The following TMEM132B variants were observed in gnomAD, a reference collection of about 807,000 sequenced individuals.
TMEM132B encodes transmembrane protein 132B.
TMEM132B carries 18 observed loss-of-function variants against 90.8 expected under a neutral mutation model. That is an observed-to-expected ratio of 0.20 (90% confidence interval 0.14 to 0.29). TMEM132B has a LOEUF of 0.29. Among genes scored for constraint, TMEM132B ranks in the 10% least tolerant of loss-of-function variants. The probability of loss-of-function intolerance (pLI) is 1.00; values close to 1 mark genes in which losing one functional copy is unlikely to be tolerated. For missense variants in TMEM132B, 1,096 were observed against 1,326.8 expected, an observed-to-expected ratio of 0.83 and a Z score of 2.70; for synonymous variants, 504 against 523.3, an observed-to-expected ratio of 0.96 and a Z score of 0.50.
intron 3 of TMEM132B, among the ~76,000 whole-genome samples, chr12:125,418,665 G>T (rs183961731): frequency 6.6e-6 from 1 of 152,070 alleles, no homozygotes; most frequent in African/African-American, 2.4e-5. Flanking sequence ...AACCTTGAGT[G>T]GAATAGAGTT....
At chr12:125,599,099 T>A (rs2136914618) in intron 5 of TMEM132B, among the ~76,000 whole-genome samples, 1 of 152,296 alleles carries the variant, frequency 6.6e-6, no homozygotes, top group South Asian at 2.1e-4. Flanking sequence ...ATAGCTCCCA[T>A]AATCCTCATG....
chr12:125,453,116 T>C (rs914019448), intron 3 of TMEM132B, among the ~76,000 whole-genome samples: 24 of 141,816 alleles, frequency 1.7e-4, no homozygotes, highest in Non-Finnish European at 2.7e-4. Context: ...CACACACACA[T>C]AATCCAACAC....
At chr12:125,499,910 A>G (rs1204393728) in intron 3 of TMEM132B, among the ~76,000 whole-genome samples, 1 of 152,252 alleles carries the variant, frequency 6.6e-6, no homozygotes, top group African/African-American at 2.4e-5. Flanking sequence ...GTACTTCTGC[A>G]TACAAATGTT....
intron 5 of TMEM132B, among the ~76,000 whole-genome samples, chr12:125,630,916 G>T (rs1270668818): frequency 2.0e-5 from 3 of 150,540 alleles, no homozygotes; most frequent in Non-Finnish European, 3.0e-5. Context: ...CAAAAGACAC[G>T]ATCTCATTCT....
intron 1 of TMEM132B, among the ~76,000 whole-genome samples, chr12:125,253,592 G>A (rs1275244350): frequency 2.6e-5 from 4 of 151,814 alleles, no homozygotes; most frequent in African/African-American, 7.3e-5. Flanking sequence ...GTACCACCAC[G>A]CCCAGCTAAT....
intron 2 of TMEM132B, among the ~76,000 whole-genome samples, chr12:125,356,197 T>G (rs1363690726): frequency 5.9e-5 from 9 of 152,206 alleles, no homozygotes; most frequent in Admixed American, 5.9e-4. Flanking sequence ...CCTCCTGGGC[T>G]GACCTCTCCG....
chr12:125,238,210 G>A (rs1373293206), intron 1 of TMEM132B, among the ~76,000 whole-genome samples: 1 of 151,688 alleles, frequency 6.6e-6, no homozygotes, highest in Non-Finnish European at 1.5e-5. Context: ...GGTCGCCTCT[G>A]TTTGTCAAAA....
intron 1 of TMEM132B, among the ~76,000 whole-genome samples, chr12:125,254,395 C>T (rs1448126373): frequency 3.3e-5 from 5 of 152,154 alleles, no homozygotes; most frequent in Admixed American, 1.3e-4. Flanking sequence ...GGAGCTTGGG[C>T]GAGGTTCTGT....
rs767999580 is a variant in TMEM132B, at chr12:125,246,403, G to T, written c.67+59537G>T. ...GACTCGTTCTGTTCTGAGGAAGTCAGCTTCCTGGGCTGCGTCTCTCATCTT... is the reference window on the plus strand; with the variant it reads ...GACTCGTTCTGTTCTGAGGAAGTCATCTTCCTGGGCTGCGTCTCTCATCTT... On this transcript the variant is annotated intron_variant, in intron 1 of 8. Transcript: ENST00000682704. The surrounding 1 kb of genome is among the most constrained non-coding windows in gnomAD (Gnocchi z 4.2). Among the ~76,000 whole-genome samples the T allele has an allele frequency of 7.6e-4, 116 of 152,220 alleles. No homozygotes were observed. The highest frequency in any genetic ancestry group is 1.4e-3 in the Non-Finnish European group (94 of 68,034).
intron 3 of TMEM132B, among the ~76,000 whole-genome samples, chr12:125,421,518 A>G (rs1419787656): frequency 6.6e-6 from 1 of 152,142 alleles, no homozygotes; most frequent in Non-Finnish European, 1.5e-5. Context: ...TGAGTCAGTT[A>G]CCTCCCACTG....
At chr12:125,374,642 C>T (rs1294805024) in intron 2 of TMEM132B, among the ~76,000 whole-genome samples, 1 of 151,510 alleles carries the variant, frequency 6.6e-6, no homozygotes, top group African/African-American at 2.4e-5. Flanking sequence ...CACCCCCCGA[C>T]CCCGCCCCGC....
At chr12:125,339,015 T>G in intron 1 of TMEM132B, among the ~76,000 whole-genome samples, 1 of 152,158 alleles carries the variant, frequency 6.6e-6, no homozygotes, top group Non-Finnish European at 1.5e-5. Flanking sequence ...GGCAGGAAGT[T>G]GAAAGGCATC....
At chr12:125,538,991 A>C (rs993643974) in intron 4 of TMEM132B, among the ~76,000 whole-genome samples, 1 of 152,174 alleles carries the variant, frequency 6.6e-6, no homozygotes, top group Non-Finnish European at 1.5e-5. Flanking sequence ...GAGCCCAGCC[A>C]CCACCATCTC....
At chr12:125,612,064 C>T (rs1419152456) in intron 5 of TMEM132B, among the ~76,000 whole-genome samples, 1 of 152,026 alleles carries the variant, frequency 6.6e-6, no homozygotes, top group African/African-American at 2.4e-5. Context: ...TCCATTTTTG[C>T]TTCATAGATC....
intron 4 of TMEM132B, among the ~76,000 whole-genome samples, chr12:125,549,504 C>T (rs1884168048): frequency 6.6e-6 from 1 of 152,214 alleles, no homozygotes; most frequent in African/African-American, 2.4e-5. Flanking sequence ...AATTTCAGGT[C>T]TCTCTGCTCA....
chr12:125,387,738 C>T (rs186811720), intron 2 of TMEM132B, among the ~76,000 whole-genome samples: 1 of 152,284 alleles, frequency 6.6e-6, no homozygotes, highest in African/African-American at 2.4e-5. Flanking sequence ...AAGCTTGTTA[C>T]TGAGATGGAT....
intron 6 of TMEM132B, among the ~76,000 whole-genome samples, chr12:125,644,646 C>G (rs11058279): frequency 0.32 from 48,916 of 151,836 alleles, 8,826 homozygotes; most frequent in African/African-American, 0.46. Flanking sequence ...ACTCTCAGTT[C>G]CCCTGCTTGT....
chr12:125,227,234 A>G (rs1365973296), intron 1 of TMEM132B, among the ~76,000 whole-genome samples: 4 of 152,120 alleles, frequency 2.6e-5, no homozygotes, highest in Non-Finnish European at 5.9e-5. Flanking sequence ...GCCAGGTTCC[A>G]TGGGGATTTA....
intron 2 of TMEM132B, among the ~76,000 whole-genome samples, chr12:125,404,989 T>C (rs1478837030): frequency 6.6e-6 from 1 of 152,246 alleles, no homozygotes; most frequent in Non-Finnish European, 1.5e-5. Flanking sequence ...AACACACCTG[T>C]AGCACTCCGT....
Sources: allele counts gnomAD v4.1 joint callset (sites outside exome capture counted in the v4.1 genomes callset), GRCh38; gene constraint gnomAD v4.1.1; non-coding constraint Gnocchi (gnomAD v3.1); transcripts MANE v1.5; gene names NCBI Gene and HGNC (gene_info 2026-07-23, HGNC 2026-07-21).